CCSER1: variants seen among roughly 807,000 people sequenced by gnomAD.
The protein encoded by CCSER1 is coiled-coil serine rich protein 1.
In CCSER1, 41 loss-of-function variants were observed where a neutral mutation model predicts 82.0. The ratio of observed to expected loss-of-function variants is 0.50; its 90% CI spans 0.39 to 0.65. CCSER1 has a LOEUF of 0.65. CCSER1 is among the 30% of genes least tolerant of loss of function. The pLI, the probability that CCSER1 is intolerant of heterozygous loss-of-function variation, is 0.00. For missense variants in CCSER1, 1,119 were observed against 1,064.2 expected (o/e 1.05, Z -0.72); for synonymous variants, 414 against 383.9 (o/e 1.08, Z -0.92).
At chr4:90,899,068 A>G (rs566760291) in intron 8 of CCSER1, among the ~76,000 whole-genome samples, 10 of 152,158 alleles carry the variant, frequency 6.6e-5, no homozygotes, top group African/African-American at 2.2e-4. Context: ...GGTTTGTTCT[A>G]TCTATGAGCA....
intron 10 of CCSER1, among the ~76,000 whole-genome samples, chr4:91,285,477 C>T (rs1415676260): frequency 6.6e-6 from 1 of 151,246 alleles, no homozygotes; most frequent in East Asian, 1.9e-4. Flanking sequence ...TTTGCTTTCA[C>T]GAAATCAAAG....
chr4:90,595,980 T>C (rs1480263357), intron 5 of CCSER1, among the ~76,000 whole-genome samples: 1 of 151,838 alleles, frequency 6.6e-6, no homozygotes, highest in Non-Finnish European at 1.5e-5. Flanking sequence ...CCTGGAGAGT[T>C]TGATAAAGTA....
At chr4:90,501,911 G>A (rs576770884) in intron 5 of CCSER1, among the ~76,000 whole-genome samples, 1 of 151,720 alleles carries the variant, frequency 6.6e-6, no homozygotes. Flanking sequence ...TTTTATCAAC[G>A]GTTAGCTGTC....
At chr4:90,574,213 A>G (rs1236581415) in intron 5 of CCSER1, among the ~76,000 whole-genome samples, 1 of 124,848 alleles carries the variant, frequency 8.0e-6, no homozygotes, top group Admixed American at 8.2e-5. Context: ...TATAAATATT[A>G]TTTAATGTAG....
At chr4:91,320,151 C>T (rs1746099389) in intron 10 of CCSER1, among the ~76,000 whole-genome samples, 1 of 151,902 alleles carries the variant, frequency 6.6e-6, no homozygotes, top group Non-Finnish European at 1.5e-5. Flanking sequence ...ATAATGGTCC[C>T]AAAGTGCAAG....
rs181353039 is a variant in CCSER1, at chr4:91,448,285, T to C, written c.2218-150287T>C. Among the ~76,000 whole-genome samples, 610 of 152,234 alleles carry C rather than the reference T, an allele frequency of 4.0e-3. 2 individuals are homozygous for C. Among genetic ancestry groups the C allele is most frequent in the Middle Eastern group, 0.027 (8 of 294 alleles). On this transcript the variant is annotated intron_variant, in intron 10 of 10. Transcript: ENST00000509176. ...AAATTTAATTTTCAGCACACACACATTATTCTTCACACTTTCTGTAAATTC... is the reference window on the plus strand; with the variant it reads ...AAATTTAATTTTCAGCACACACACACTATTCTTCACACTTTCTGTAAATTC...
chr4:91,135,216 G>A (rs757390348), intron 10 of CCSER1, among the ~76,000 whole-genome samples: 1 of 152,048 alleles, frequency 6.6e-6, no homozygotes, highest in Non-Finnish European at 1.5e-5. Context: ...CTGTGATGAA[G>A]TACAGAATCT....
At chr4:91,171,648 T>G (rs918453626) in intron 10 of CCSER1, among the ~76,000 whole-genome samples, 7 of 152,126 alleles carry the variant, frequency 4.6e-5, no homozygotes, top group Non-Finnish European at 1.0e-4. Flanking sequence ...TTGAGCTCAA[T>G]TTTTCATTCC....
Position 90,256,808 on chromosome 4 carries a change from G to A in CCSER1, c.-41-51436G>A, listed in dbSNP as rs144587981. ...ACTTAAGTTATCTGCAGTCAACCAT[G>A]GTATAAAAATAGTTGAATACAGTAA... On this transcript the variant is annotated intron_variant, in intron 1 of 10. Coordinates refer to ENST00000509176, the MANE Select transcript of CCSER1 (RefSeq NM_001145065.2). Among the ~76,000 whole-genome samples, 46 of 152,018 alleles carry A rather than the reference G, an allele frequency of 3.0e-4. No individual in the cohort carries two copies. In the East Asian group the frequency reaches 8.3e-3, roughly 27 times the overall value.
At chr4:90,235,695 G>A (rs934329009) in intron 1 of CCSER1, among the ~76,000 whole-genome samples, 1 of 151,850 alleles carries the variant, frequency 6.6e-6, no homozygotes, top group African/African-American at 2.4e-5. Flanking sequence ...TGGTTTCAGT[G>A]TGCTTTTGTA....
At chr4:90,806,138 G>C (rs1698658781) in intron 7 of CCSER1, among the ~76,000 whole-genome samples, 1 of 152,140 alleles carries the variant, frequency 6.6e-6, no homozygotes, top group Non-Finnish European at 1.5e-5. Context: ...TGTTGCCACT[G>C]TATATATACA....
intron 10 of CCSER1, among the ~76,000 whole-genome samples, chr4:91,304,756 A>G (rs1744922284): frequency 2.0e-5 from 3 of 152,074 alleles, no homozygotes; most frequent in African/African-American, 4.8e-5. Flanking sequence ...CCGAATGTTA[A>G]TGGAAACATA....
At chr4:91,477,295 T>C (rs1454380478) in intron 10 of CCSER1, among the ~76,000 whole-genome samples, 1 of 151,702 alleles carries the variant, frequency 6.6e-6, no homozygotes, top group Non-Finnish European at 1.5e-5. Context: ...ACATGTCACA[T>C]TGTTTTCAGA....
At chr4:90,784,817 T>G (rs1214393900) in intron 7 of CCSER1, among the ~76,000 whole-genome samples, 13 of 152,226 alleles carry the variant, frequency 8.5e-5, no homozygotes, top group Non-Finnish European at 1.5e-5. Context: ...ATTTTGTTTA[T>G]GTATTATATA....
chr4:90,486,697 C>T (rs1468888869), intron 5 of CCSER1, among the ~76,000 whole-genome samples: 5 of 152,120 alleles, frequency 3.3e-5, no homozygotes, highest in Non-Finnish European at 7.3e-5. Flanking sequence ...GAAATATTTT[C>T]CTCTTGATAC....
At chr4:91,504,414 A>G (rs904360689) in intron 10 of CCSER1, among the ~76,000 whole-genome samples, 1 of 152,164 alleles carries the variant, frequency 6.6e-6, no homozygotes, top group African/African-American at 2.4e-5. Flanking sequence ...AATAGGAGGT[A>G]TAGGACTTAT....
chr4:90,277,004 A>G (rs936792580), intron 1 of CCSER1, among the ~76,000 whole-genome samples: 37 of 151,940 alleles, frequency 2.4e-4, no homozygotes, highest in African/African-American at 8.7e-4. Flanking sequence ...TTTTTGGCAG[A>G]GTCTTTAGAG....
intron 3 of CCSER1, among the ~76,000 whole-genome samples, chr4:90,328,359 G>A (rs1190036213): frequency 6.6e-6 from 1 of 151,400 alleles, no homozygotes; most frequent in Non-Finnish European, 1.5e-5. Flanking sequence ...GATGTATATT[G>A]CTATTGTAAT....
intron 9 of CCSER1, among the ~76,000 whole-genome samples, chr4:90,931,033 TTG>T (rs1729740468): frequency 8.4e-6 from 1 of 118,680 alleles, no homozygotes; most frequent in African/African-American, 4.0e-5. Context: ...ATATATATCT[TTG>T]ACATATATTT....
Sources: gnomAD v4.1 joint callset for allele counts (sites outside exome capture counted in the v4.1 genomes callset) on GRCh38, gnomAD v4.1.1 for gene constraint, MANE v1.5 for transcripts, NCBI Gene and HGNC (gene_info 2026-07-23, HGNC 2026-07-21) for gene names.